Variants in SEMA3A observed in about 807,000 individuals in gnomAD.
SEMA3A encodes the protein semaphorin-3A.
SEMA3A carries 29 observed loss-of-function variants against 97.9 expected under a neutral mutation model. The ratio of observed to expected loss-of-function variants is 0.30; its 90% CI spans 0.22 to 0.40. The LOEUF (loss-of-function observed/expected upper bound fraction) is 0.40. SEMA3A is among the 10% of genes least tolerant of loss of function. The pLI is 1.00. For synonymous variants in SEMA3A, 321 were observed against 323.7 expected, an observed-to-expected ratio of 0.99 and a Z score of 0.09; for missense variants, 763 against 951.3, an observed-to-expected ratio of 0.80 and a Z score of 2.60.
At chr7:84,208,274 A>C (rs1325347865) in intron 3 of SEMA3A, among the ~76,000 whole-genome samples, 2 of 152,068 alleles carry the variant, frequency 1.3e-5, no homozygotes, top group African/African-American at 4.8e-5. Context: ...AACATGGTGA[A>C]ACCCCGCCTC....
At chr7:84,197,147 T>G (rs1359317738), upstream of SEMA3A, among the ~76,000 whole-genome samples, 1 of 152,150 alleles carries the variant, frequency 6.6e-6, no homozygotes, top group East Asian at 1.9e-4. Flanking sequence ...TTTAAATTAA[T>G]GTTGACACAT....
chr7:84,330,472 G>A (rs1173694595), intron 2 of SEMA3A, among the ~76,000 whole-genome samples: 5 of 152,028 alleles, frequency 3.3e-5, no homozygotes, highest in Admixed American at 3.3e-4. Flanking sequence ...TTCCAATGAA[G>A]TTCATGTGTT....
At chr7:84,461,060 A>G (rs1805825907) in intron 1 of SEMA3A, among the ~76,000 whole-genome samples, 1 of 152,186 alleles carries the variant, frequency 6.6e-6, no homozygotes, top group Admixed American at 6.5e-5. Context: ...TTATCAGCCC[A>G]AATAGAAGCT....
At chr7:84,219,842 C>CA (rs1399889166) in intron 3 of SEMA3A, among the ~76,000 whole-genome samples, 31 of 152,128 alleles carry the variant, frequency 2.0e-4, no homozygotes, top group African/African-American at 7.2e-4. Flanking sequence ...TTCTAAACCG[C>CA]ATGAACCAAC....
chr7:84,350,903 T>C (rs1254610679), intron 2 of SEMA3A, among the ~76,000 whole-genome samples: 1 of 152,160 alleles, frequency 6.6e-6, no homozygotes, highest in Non-Finnish European at 1.5e-5. Context: ...TTGGTGTCCT[T>C]GAAGAGTTGC....
rs936615016 is a variant in SEMA3A, at chr7:84,266,151, T to A, written c.-83+41056A>T. 4.6e-5 allele frequency among the ~76,000 whole-genome samples: 7 copies of A among 151,648 alleles called. No individual in the cohort carries two copies. The East Asian group carries it at 1.4e-3, about 30-fold the overall frequency. ...CTGGCCAACATGGCAAAACCCTGTC[T>A]CTACTAAAAATACAAAAAAATTAGC... On this transcript the variant is annotated intron_variant, in intron 3 of 3. Transcript: ENST00000424555.
chr7:84,239,235 TTATC>T (rs1411312583), intron 3 of SEMA3A, among the ~76,000 whole-genome samples: 4 of 152,230 alleles, frequency 2.6e-5, no homozygotes, highest in African/African-American at 9.6e-5. Flanking sequence ...AGTTTTTTAA[TTATC>T]TACTTATTCA....
chr7:84,080,954 A>T lies in SEMA3A; in HGVS notation c.454-20396T>A, dbSNP rs114928424. Among the ~76,000 whole-genome samples, 930 of 152,192 alleles carry T rather than the reference A, an allele frequency of 6.1e-3. 11 individuals carry two copies. Among genetic ancestry groups the T allele is most frequent in the African/African-American group, 0.021 (880 of 41,558 alleles). On this transcript the variant is annotated intron_variant, in intron 4 of 16. Coordinates refer to ENST00000265362, the MANE Select transcript of SEMA3A (RefSeq NM_006080.3). Reference sequence around the variant, plus strand: ...GTTTACATGTGGGGACAATATTAACACATACAAAAATATGAAAATAGTAAA... The same window carrying T: ...GTTTACATGTGGGGACAATATTAACTCATACAAAAATATGAAAATAGTAAA...
At chr7:83,968,384 T>C (rs1788791534) in intron 15 of SEMA3A, among the ~76,000 whole-genome samples, 1 of 152,224 alleles carries the variant, frequency 6.6e-6, no homozygotes, top group South Asian at 2.1e-4. Context: ...GATGTCACAA[T>C]ATTTTTGATA....
chr7:84,188,378 CA>C (rs971261042), intron 1 of SEMA3A, among the ~76,000 whole-genome samples: 1 of 151,884 alleles, frequency 6.6e-6, no homozygotes, highest in African/African-American at 2.4e-5. Context: ...TATGTCTTGG[CA>C]ATAGTGGGAG....
At chr7:84,158,356 A>T (rs1386744855) in intron 1 of SEMA3A, among the ~76,000 whole-genome samples, 2 of 151,406 alleles carry the variant, frequency 1.3e-5, no homozygotes, top group African/African-American at 2.4e-5. Flanking sequence ...GTTTCACCAT[A>T]TTGGCCAGGC....
chr7:84,344,408 C>A (rs923240894), intron 2 of SEMA3A, among the ~76,000 whole-genome samples: 1 of 152,094 alleles, frequency 6.6e-6, no homozygotes, highest in Non-Finnish European at 1.5e-5. Context: ...TACAATTGCA[C>A]CAAGGTGTTG....
chr7:84,116,210 T>C (rs1194658078), intron 3 of SEMA3A, among the ~76,000 whole-genome samples: 1 of 152,158 alleles, frequency 6.6e-6, no homozygotes, highest in Non-Finnish European at 1.5e-5. Flanking sequence ...TAATATAAAA[T>C]ATTATCTTAA....
intron 15 of SEMA3A, among the ~76,000 whole-genome samples, chr7:83,975,908 G>A (rs957175387): frequency 2.6e-5 from 4 of 152,110 alleles, no homozygotes; most frequent in Admixed American, 1.3e-4. Flanking sequence ...TTTAAGGAGA[G>A]TGTTCAATAA....
intron 2 of SEMA3A, among the ~76,000 whole-genome samples, chr7:84,331,718 A>T (rs1277038120): frequency 1.3e-5 from 2 of 152,080 alleles, no homozygotes. Flanking sequence ...GAAAAAAAAA[A>T]TAACACATTT....
intron 1 of SEMA3A, among the ~76,000 whole-genome samples, chr7:84,372,804 C>G (rs1333871550): frequency 1.3e-5 from 2 of 152,120 alleles, no homozygotes; most frequent in African/African-American, 4.8e-5. Flanking sequence ...TGCTTTGGTG[C>G]TAGCTTGTAT....
chr7:84,039,888 T>G (rs1413118359), intron 6 of SEMA3A, among the ~76,000 whole-genome samples: 1 of 152,054 alleles, frequency 6.6e-6, no homozygotes, highest in Non-Finnish European at 1.5e-5. Context: ...AAATTGATAT[T>G]TGTAAAAATA....
chr7:83,990,623 A>G (rs1467485733), intron 12 of SEMA3A, among the ~76,000 whole-genome samples: 19 of 146,624 alleles, frequency 1.3e-4, no homozygotes, highest in Non-Finnish European at 2.4e-4. Context: ...AAGATCAGAT[A>G]GTTGTAGATA....
intron 5 of SEMA3A, among the ~76,000 whole-genome samples, chr7:84,055,153 TTTTG>T (rs1792899405): frequency 6.6e-6 from 1 of 152,106 alleles, no homozygotes; most frequent in Non-Finnish European, 1.5e-5. Context: ...ACTGCTGTCT[TTTTG>T]TTTGTCTGTG....
Sources: gnomAD v4.1 joint callset for allele counts (sites outside exome capture counted in the v4.1 genomes callset) on GRCh38, gnomAD v4.1.1 for gene constraint, MANE v1.5 for transcripts, NCBI Gene and HGNC (gene_info 2026-07-23, HGNC 2026-07-21) for gene names.